The following MDN1 variants were observed in gnomAD, a reference collection of about 807,000 sequenced individuals.
MDN1 encodes the protein midasin AAA ATPase 1.
MDN1 carries 266 observed loss-of-function variants against 669.2 expected under a neutral mutation model. The observed-to-expected ratio is 0.40, with a 90% CI of 0.36 to 0.44. The LOEUF is 0.44. Ranked by LOEUF, MDN1 falls within the 20% of genes least tolerant of loss-of-function variation. The pLI is 1.00. For synonymous variants in MDN1, 2,385 were observed against 2,457.1 expected (o/e 0.97, Z 0.87); for missense variants, 5,940 against 6,754.0 (o/e 0.88, Z 4.22).
intron 22 of MDN1, 42 bp downstream of exon 22, chr6:89,753,470 G>T: frequency 7.0e-7 from 1 of 1,430,964 alleles, no homozygotes; most frequent in Non-Finnish European, 9.6e-7. Context: ...TGGTAATTCA[G>T]CCTTTCAAGT....
At chr6:89,715,317 C>T (rs141205595) in intron 45 of MDN1, among the ~76,000 whole-genome samples, 2 of 152,128 alleles carry the variant, frequency 1.3e-5, no homozygotes, top group South Asian at 2.1e-4. Flanking sequence ...ACATGTCCAT[C>T]AGCAAACCAA....
At chr6:89,780,796 GTGCCTGGCTAATT>G (rs1426463220) in intron 10 of MDN1, among the ~76,000 whole-genome samples, 4 of 143,898 alleles carry the variant, frequency 2.8e-5, no homozygotes, top group Non-Finnish European at 6.0e-5. Flanking sequence ...ACCTGCCACC[GTGCCTGGCTAATT>G]TTTGTATTTT....
intron 32 of MDN1, 41 bp downstream of exon 32, chr6:89,740,193 G>T: frequency 6.2e-7 from 1 of 1,603,366 alleles, no homozygotes. Flanking sequence ...GTAAGCTGAG[G>T]TCAAAACCTA....
At position 89,692,764 on chromosome 6, in the gene MDN1, G is replaced by A. The variant is rs1160887835; in HGVS notation, c.10266C>T (p.Leu3422=). Residue 3422 remains leucine (L), a synonymous_variant, in exon 63 of 102, where the codon CTC becomes CTT. Coordinates refer to ENST00000369393, the MANE Select transcript of MDN1 (RefSeq NM_014611.3). ...RLVASELHTS[L]HSSMVGADRL... is the part of the protein sequence containing the mutation. ...TGTCTGCACCAACCATACTGCTGTG[G>A]AGTGAGGTGTGGAGCTCAGAGGCCA... The A allele has an allele frequency of 1.2e-6, 2 of 1,614,062 alleles. No homozygotes were observed. Among genetic ancestry groups the A allele is most frequent in the South Asian group, 2.2e-5 (2 of 91,054 alleles).
intron 20 of MDN1, among the ~76,000 whole-genome samples, chr6:89,755,083 A>G (rs1429988289): frequency 6.6e-6 from 1 of 152,156 alleles, no homozygotes; most frequent in Non-Finnish European, 1.5e-5. Context: ...TAGATAAAAT[A>G]AGGCACTTAT....
At position 89,708,485 on chromosome 6, in the gene MDN1, G is replaced by A. The variant is rs1263661579; in HGVS notation, c.7898+11C>T. On this transcript the variant is annotated intron_variant, in intron 51 of 101. Coordinates refer to ENST00000369393, the MANE Select transcript of MDN1 (RefSeq NM_014611.3). ...AGGCAAACAGTGCCCAGAGCAGCAG[G>A]TTTCACTTACTTGTTTGCAGCTGAT... is the stretch of plus-strand genomic sequence containing the variant. 2 of 1,613,694 alleles carry A rather than the reference G, an allele frequency of 1.2e-6. No individual in the cohort carries two copies. The highest frequency in any genetic ancestry group is 1.7e-6 in the Non-Finnish European group (2 of 1,179,880).
intron 17 of MDN1, among the ~76,000 whole-genome samples, chr6:89,760,616 T>C (rs188996316): frequency 2.0e-5 from 3 of 152,246 alleles, no homozygotes; most frequent in African/African-American, 7.2e-5. Context: ...ATGTTGTATA[T>C]ATACATATAT....
chr6:89,753,122 G>T (rs1530338), intron 22 of MDN1, among the ~76,000 whole-genome samples: 1 of 151,942 alleles, frequency 6.6e-6, no homozygotes, highest in African/African-American at 2.4e-5. Context: ...GACTCTATCT[G>T]CAAAAAAAAA....
chr6:89,791,017 C>T (rs146978087), intron 5 of MDN1, among the ~76,000 whole-genome samples: 8 of 151,960 alleles, frequency 5.3e-5, no homozygotes, highest in African/African-American at 9.7e-5. Flanking sequence ...AGTGAAACTC[C>T]GCCTCAAAAT....
rs767714057 is a variant in MDN1, at chr6:89,718,605, C to T, written c.6344G>A (p.Arg2115Lys). The change falls in exon 43 of 102, where the codon AGG (arginine) becomes AAG (lysine). Residue 2115 changes from arginine to lysine, a missense_variant. Transcript: ENST00000369393. Reference sequence around the variant, plus strand: ...TCCCTCCACCTTCTCTAGCAGCCTCCTCCAAGGTCGTATAAGATCAACCTG... The same window carrying T: ...TCCCTCCACCTTCTCTAGCAGCCTCTTCCAAGGTCGTATAAGATCAACCTG... ...FEQVDLIRPWRRLLEKVEGTV... is the reference protein window; with the variant it reads ...FEQVDLIRPWKRLLEKVEGTV... The T allele has an allele frequency of 1.2e-6, 2 of 1,613,930 alleles. No homozygotes were observed. The highest frequency in any genetic ancestry group is 3.3e-5 in the Admixed American group (2 of 59,996).
chr6:89,716,940 G>T, intron 43 of MDN1, 131 bp from the exon 44 acceptor site: 1 of 1,022,586 alleles, frequency 9.8e-7, no homozygotes, highest in Non-Finnish European at 1.4e-6. Context: ...ATAGAAGAAT[G>T]TTTTGCTTCT....
Position 89,715,694 on chromosome 6 carries a change from T to C in MDN1, c.6819A>G (p.Ile2273Met), listed in dbSNP as rs765939198. ...GVLTISERGM[I>M]DGSTPTITPN... is the part of the protein sequence containing the mutation. ...GTGTTATCGTGGGAGTGGATCCATC[T>C]ATCATTCCTCTCTCACTAATAGTGA... is the stretch of plus-strand genomic sequence containing the variant. Residue 2273 changes from isoleucine to methionine, a missense_variant, in exon 45 of 102, where the codon ATA becomes ATG. By Grantham distance (10) the Ile-to-Met change is conservative. Coordinates refer to ENST00000369393, the MANE Select transcript of MDN1 (RefSeq NM_014611.3). 1 of 1,613,466 alleles carries C rather than the reference T, an allele frequency of 6.2e-7. No homozygotes were observed. Among genetic ancestry groups the C allele is most frequent in the South Asian group, 1.1e-5 (1 of 91,078 alleles).
At chr6:89,678,571 T>G (rs1811391531) in intron 75 of MDN1, 28 bp downstream of exon 75, 1 of 1,608,262 alleles carries the variant, frequency 6.2e-7, no homozygotes. Flanking sequence ...GTGACTACAT[T>G]TCATTGGGTT....
rs527705775 is a variant in MDN1, at chr6:89,683,282, G to C, written c.11952C>G (p.Pro3984=). 1 of 1,614,166 alleles carries C rather than the reference G, an allele frequency of 6.2e-7. No homozygotes were observed. Among genetic ancestry groups the C allele is most frequent in the South Asian group, 1.1e-5 (1 of 91,072 alleles). The part of the protein sequence containing the change: ...MKKFEAVLSE[P]CRSSLVESDK... ...CACTCTCCACCAGGGATGACCGGCA[G>C]GGTTCACTCAGGACTGCTTCAAATT... The change falls in exon 73 of 102, where the codon CCC becomes CCG. Residue 3984 remains proline (P), a synonymous_variant. Transcript: ENST00000369393.
At position 89,675,527 on chromosome 6, in the gene MDN1, A is replaced by G. The variant is rs1811122609; in HGVS notation, c.12698T>C (p.Met4233Thr). ...ERCRGFSAHL[M>T]KMLVRQRRSL... ...GCGCCGCTGTCGGACGAGCATCTTC[A>G]TCAAATGTGCTGAGAACCCTCTGCA... The change falls in exon 78 of 102, where the codon ATG (methionine) becomes ACG (threonine). Residue 4233 changes from methionine (M) to threonine (T), a missense_variant. Physicochemically the swap from Met to Thr is moderately conservative, Grantham distance 81. This residue lies in a region of MDN1 where 2,280 missense variants were observed against 2,576.3 expected (regional missense o/e 0.88). Coordinates refer to ENST00000369393, the MANE Select transcript of MDN1 (RefSeq NM_014611.3). The G allele has an allele frequency of 6.2e-7, 1 of 1,613,980 alleles. No individual in the cohort carries two copies. The highest frequency in any genetic ancestry group is 8.5e-7 in the Non-Finnish European group (1 of 1,180,026).
At chr6:89,701,183 ATGGATGGTTGCGTCTG>A (rs1354548319) in intron 55 of MDN1, among the ~76,000 whole-genome samples, 19 of 152,226 alleles carry the variant, frequency 1.2e-4, no homozygotes, top group African/African-American at 4.6e-4. Flanking sequence ...AGGGGGAAAA[ATGGATGGTTGCGTCTG>A]TGCTGAACGC....
chr6:89,667,740 AATC>A (rs1224984919), intron 84 of MDN1, among the ~76,000 whole-genome samples: 1 of 152,180 alleles, frequency 6.6e-6, no homozygotes, highest in Non-Finnish European at 1.5e-5. Context: ...TACTCTAGAA[AATC>A]ATCAGTAAAT....
intron 15 of MDN1, among the ~76,000 whole-genome samples, chr6:89,770,603 C>T (rs1400862841): frequency 1.3e-5 from 2 of 152,094 alleles, no homozygotes; most frequent in Non-Finnish European, 2.9e-5. Flanking sequence ...CTCCCAGATT[C>T]AAGCAATTCT....
At chr6:89,815,494 A>G (rs1438963008) in intron 1 of MDN1, 1 of 294,396 alleles carries the variant, frequency 3.4e-6, no homozygotes, top group African/African-American at 2.3e-5. Context: ...AGGAGTCATC[A>G]GTACCCCTGG....
Sources: allele counts gnomAD v4.1 joint callset (sites outside exome capture counted in the v4.1 genomes callset), GRCh38; gene constraint gnomAD v4.1.1; regional missense constraint gnomAD v4.1.1; transcripts MANE v1.5; gene names NCBI Gene and HGNC (gene_info 2026-07-23, HGNC 2026-07-21).